Variants in RAB38 observed in about 807,000 individuals in gnomAD.
RAB38 encodes RAB38, member RAS oncogene family, also known as ras-related protein Rab-38.
RAB38 carries 15 observed loss-of-function variants against 18.4 expected under a neutral mutation model. The observed-to-expected ratio is 0.82, with a 90% CI of 0.55 to 1.26. RAB38 has a LOEUF of 1.26. RAB38 is among the 50% of genes most tolerant of loss of function. The probability of loss-of-function intolerance (pLI) is 0.00; values close to 1 mark genes in which losing one functional copy is unlikely to be tolerated. For synonymous variants in RAB38, 101 were observed against 104.4 expected, an observed-to-expected ratio of 0.97 and a Z score of 0.20; for missense variants, 294 against 267.4, an observed-to-expected ratio of 1.10 and a Z score of -0.69.
intron 1 of RAB38, among the ~76,000 whole-genome samples, chr11:88,151,983 C>T (rs1002310194): frequency 2.0e-5 from 3 of 152,162 alleles, no homozygotes; most frequent in Non-Finnish European, 2.9e-5. Context: ...GCCTAGTCAA[C>T]GAAAGAAAGG....
the RAB38 span, among the ~76,000 whole-genome samples, chr11:88,032,235 T>C: frequency 2.0e-5 from 3 of 152,150 alleles, no homozygotes; most frequent in Admixed American, 1.3e-4. Flanking sequence ...CAATTCAAGA[T>C]GGATGAAAGA....
the RAB38 span, among the ~76,000 whole-genome samples, chr11:88,044,920 G>T: frequency 1.3e-5 from 2 of 151,852 alleles, no homozygotes; most frequent in South Asian, 4.2e-4. Flanking sequence ...CCTCACACCC[G>T]GTCTGGCTTA....
At chr11:88,052,918 AT>A in the RAB38 span, among the ~76,000 whole-genome samples, 1 of 17,324 alleles carries the variant, frequency 5.8e-5, no homozygotes, top group African/African-American at 3.0e-4. Context: ...ATATATATAT[AT>A]ATATATATAT....
chr11:87,934,844 A>G, the RAB38 span, among the ~76,000 whole-genome samples: 358 of 152,278 alleles, frequency 2.4e-3, no homozygotes, highest in Admixed American at 5.5e-3. Context: ...TTAAGGTAAC[A>G]CTGAGGTAGC....
At chr11:88,075,059 A>G in the RAB38 span, among the ~76,000 whole-genome samples, 1 of 152,198 alleles carries the variant, frequency 6.6e-6, no homozygotes, top group Non-Finnish European at 1.5e-5. Flanking sequence ...ATACAAATTA[A>G]TTATTATTAA....
intron 1 of RAB38, among the ~76,000 whole-genome samples, chr11:88,155,538 G>A (rs1351315242): frequency 1.3e-5 from 2 of 152,104 alleles, no homozygotes; most frequent in African/African-American, 4.8e-5. Context: ...AAAGAAAAAA[G>A]TCCTACAAAC....
the RAB38 span, chr11:88,061,893 A>G: frequency 3.4e-4 from 50 of 147,302 alleles, no homozygotes; most frequent in African/African-American, 1.3e-3. Flanking sequence ...GTGCAAGAAG[A>G]CTTGATTCAG....
chr11:88,018,622 G>C, the RAB38 span, among the ~76,000 whole-genome samples: 2 of 152,054 alleles, frequency 1.3e-5, no homozygotes, highest in African/African-American at 2.4e-5. Context: ...CCATCCCTTG[G>C]TATCCATGGG....
the RAB38 span, among the ~76,000 whole-genome samples, chr11:87,826,373 A>G: frequency 0.059 from 8,970 of 152,282 alleles, 368 homozygotes; most frequent in Non-Finnish European, 0.084. Context: ...AAAATATTTC[A>G]TCATTAATGT....
chr11:87,852,921 A>C, the RAB38 span, among the ~76,000 whole-genome samples: 4 of 151,072 alleles, frequency 2.6e-5, no homozygotes, highest in African/African-American at 9.8e-5. Flanking sequence ...ACTAGCTGAA[A>C]CCCAGATCCT....
At chr11:88,026,583 A>AT in the RAB38 span, among the ~76,000 whole-genome samples, 1 of 150,396 alleles carries the variant, frequency 6.6e-6, no homozygotes, top group Non-Finnish European at 1.5e-5. Context: ...AAAAAAAAAA[A>AT]AAAAGGAAAA....
chr11:88,173,373 C>A (rs1030553018), intron 1 of RAB38, among the ~76,000 whole-genome samples: 1 of 152,132 alleles, frequency 6.6e-6, no homozygotes, highest in African/African-American at 2.4e-5. Flanking sequence ...TCCCTGTTTA[C>A]AAGTAAGGAA....
chr11:87,823,953 C>T, the RAB38 span, among the ~76,000 whole-genome samples: 1 of 152,260 alleles, frequency 6.6e-6, no homozygotes, highest in South Asian at 2.1e-4. Flanking sequence ...CATTCAATTT[C>T]ACATTGCTAT....
At chr11:88,022,352 A>C in the RAB38 span, among the ~76,000 whole-genome samples, 8 of 152,030 alleles carry the variant, frequency 5.3e-5, no homozygotes, top group Non-Finnish European at 1.2e-4. Context: ...ACATATCTGA[A>C]TGTAATAAAA....
chr11:88,027,757 G>C, the RAB38 span, among the ~76,000 whole-genome samples: 1 of 152,216 alleles, frequency 6.6e-6, no homozygotes, highest in Non-Finnish European at 1.5e-5. Flanking sequence ...AGCTCAAGGA[G>C]GCCTGCCTGC....
the RAB38 span, among the ~76,000 whole-genome samples, chr11:88,024,116 G>C: frequency 6.6e-6 from 1 of 152,044 alleles, no homozygotes; most frequent in African/African-American, 2.4e-5. Flanking sequence ...ATAACCAGTA[G>C]AATGGGAGAA....
chr11:88,013,853 C>G, the RAB38 span, among the ~76,000 whole-genome samples: 112,040 of 152,104 alleles, frequency 0.74, 42,009 homozygotes, highest in African/African-American at 0.87. Flanking sequence ...GACATACTGA[C>G]ATTAAAATCA....
the RAB38 span, among the ~76,000 whole-genome samples, chr11:87,899,440 G>T: frequency 2.6e-5 from 4 of 151,614 alleles, no homozygotes; most frequent in African/African-American, 9.7e-5. Context: ...GAATGGTTTT[G>T]GAACAATGAA....
chr11:87,825,072 C>T, the RAB38 span, among the ~76,000 whole-genome samples: 4 of 152,066 alleles, frequency 2.6e-5, no homozygotes, highest in African/African-American at 9.7e-5. Context: ...AACTTCCCAA[C>T]ACCAACAACT....
Sources: allele counts gnomAD v4.1 joint callset (sites outside exome capture counted in the v4.1 genomes callset), GRCh38; gene constraint gnomAD v4.1.1; transcripts MANE v1.5; gene names NCBI Gene and HGNC (gene_info 2026-07-23, HGNC 2026-07-21).